The following SPDYE4 variants were observed in gnomAD, a reference collection of about 807,000 sequenced individuals.
The protein encoded by SPDYE4 is speedy protein E4.
In SPDYE4, 30 loss-of-function variants were observed where a neutral mutation model predicts 37.5. That is an observed-to-expected ratio of 0.80 (90% CI 0.60 to 1.09). The LOEUF is 1.09. Ranked by LOEUF, SPDYE4 falls within the 50% of genes least tolerant of loss-of-function variation. The pLI is 0.00. For missense variants in SPDYE4, 300 were observed against 307.9 expected (o/e 0.97, Z 0.19); for synonymous variants, 131 against 120.3 (o/e 1.09, Z -0.58).
downstream of SPDYE4, among the ~76,000 whole-genome samples, chr17:8,748,395 TC>T (rs1480380791): frequency 6.6e-6 from 1 of 152,216 alleles, no homozygotes; most frequent in Non-Finnish European, 1.5e-5. Context: ...GGCACCTTGA[TC>T]TTGGACTTCC....
At position 8,753,138 on chromosome 17, in the gene SPDYE4, C is replaced by CT; in HGVS notation, c.713dup (p.Ter238=). ...VWARDRTLIS[*] is the part of the protein sequence containing the mutation. ...CTCAGGCCTCCATGTCCCCGGAGCT[C>CT]TAGGAAATGAGGGTGCGATCTCGGG... The change falls in exon 6 of 7, where the codon TAG becomes TAAG. Residue 238 remains the stop codon, a frameshift_variant and stop_retained_variant. Coordinates refer to ENST00000689094, the MANE Select transcript of SPDYE4 (RefSeq NM_001394956.1). LOFTEE classifies it high-confidence loss of function. 6.2e-7 allele frequency: 1 copy of CT among 1,614,074 alleles called. No individual in the cohort carries two copies. The highest frequency in any genetic ancestry group is 8.5e-7 in the Non-Finnish European group (1 of 1,180,020).
rs9916109 is a variant in SPDYE4 at position 8,751,124 on chromosome 17, T to C, written c.*1158A>G. Among the ~76,000 whole-genome samples, 11,175 of 152,258 alleles carry C rather than the reference T, an allele frequency of 0.073. 1,193 individuals carry two copies. Among genetic ancestry groups the C allele is most frequent in the African/African-American group, 0.24 (9,884 of 41,518 alleles). ...GAATAGATATATTATGTAACTACTC[T>C]AGGTCATAACAGTGCTCCCTTCAGC... is the stretch of plus-strand genomic sequence containing the variant. On this transcript the variant is annotated 3_prime_UTR_variant, in exon 7 of 7. Coordinates refer to ENST00000689094, the MANE Select transcript of SPDYE4 (RefSeq NM_001394956.1).
chr17:8,757,158 C>T, intron 2 of SPDYE4, 104 bp downstream of exon 2: 1 of 1,089,340 alleles, frequency 9.2e-7, no homozygotes, highest in South Asian at 1.5e-5. Flanking sequence ...GAGCGCTCAT[C>T]CCCCAGGAGG....
Position 8,755,624 on chromosome 17 carries a change from T to TAG in SPDYE4, c.400-21_400-20dup. 2 of 1,607,410 alleles carry TAG rather than the reference T, an allele frequency of 1.2e-6. No homozygotes were observed. Among genetic ancestry groups the TAG allele is most frequent in the Non-Finnish European group, 1.7e-6 (2 of 1,176,390 alleles). On this transcript the variant is annotated intron_variant, in intron 3 of 6. Coordinates refer to ENST00000689094, the MANE Select transcript of SPDYE4 (RefSeq NM_001394956.1). ...GGAGATACTGATGGAGAGAAGGGAG[T>TAG]AGAGAGAGAGAAAGGTTGGTCACAT... is the stretch of plus-strand genomic sequence containing the variant.
chr17:8,754,741 G>A (rs889129966), intron 4 of SPDYE4, among the ~76,000 whole-genome samples: 1 of 152,212 alleles, frequency 6.6e-6, no homozygotes, highest in African/African-American at 2.4e-5. Context: ...TGGAAGATCA[G>A]GGGAGGCATT....
chr17:8,747,932 G>A (rs193234505), downstream of SPDYE4, among the ~76,000 whole-genome samples: 580 of 152,308 alleles, frequency 3.8e-3, 5 homozygotes, highest in African/African-American at 0.013. Context: ...GAGTCATGGC[G>A]GGAGGTGACA....
At chr17:8,750,467 T>A (rs1406855649), downstream of SPDYE4, among the ~76,000 whole-genome samples, 5 of 152,106 alleles carry the variant, frequency 3.3e-5, no homozygotes, top group African/African-American at 7.2e-5. Flanking sequence ...TCCCAGCACT[T>A]TGGGAGGCCG....
In SPDYE4 at chr17:8,755,602, G is replaced by A. The variant is rs759848152; in HGVS notation, c.403C>T (p.Leu135Phe). The A allele has an allele frequency of 1.2e-6, 2 of 1,612,632 alleles. No individual in the cohort carries two copies. The highest frequency in any genetic ancestry group is 1.7e-6 in the Non-Finnish European group (2 of 1,179,084). Residue 135 changes from leucine (L) to phenylalanine (F), a missense_variant, in exon 4 of 7, where the codon CTC becomes TTC. Leu to Phe is a conservative substitution (Grantham distance 22). Transcript: ENST00000689094. ...AAATACGCTATGACCATAGCCAGGA[G>A]ATACTGATGGAGAGAAGGGAGTAGA... ...DKDLRVSDKY[L>F]LAMVIAYFSR...
intron 3 of SPDYE4, 144 bp from the exon 4 acceptor site, chr17:8,755,749 G>C: frequency 9.1e-7 from 1 of 1,094,688 alleles, no homozygotes; most frequent in Non-Finnish European, 1.3e-6. Context: ...CTCATTGGGG[G>C]CTTGCGGGTG....
chr17:8,758,266 C>T lies in SPDYE4; in HGVS notation c.109+8G>A. 1 of 1,532,364 alleles carries T rather than the reference C, an allele frequency of 6.5e-7. No individual in the cohort carries two copies. The highest frequency in any genetic ancestry group is 1.4e-5 in the African/African-American group (1 of 72,622). The allele number at this position is 1,532,364 out of a possible 1,614,324, so 94.9% of individuals were successfully genotyped here. A position where few individuals can be genotyped will look rare whatever the true frequency, so the allele number is the denominator to read the frequency against. ...ATCTCCCATCGCTTCTCCCTCCAGT[C>T]ACCTCACCTGATGGTCCTGGCACTT... On this transcript the variant is annotated splice_region_variant and intron_variant, in intron 1 of 6. Transcript: ENST00000689094.
downstream of SPDYE4, among the ~76,000 whole-genome samples, chr17:8,749,439 A>AT (rs1425572387): frequency 1.1e-4 from 17 of 150,678 alleles, no homozygotes; most frequent in South Asian, 1.1e-3. Context: ...AATTTTTTGT[A>AT]TTTTTTTTTG....
chr17:8,751,626 T>C lies in SPDYE4; in HGVS notation c.*656A>G, dbSNP rs1185019916. Among the ~76,000 whole-genome samples the C allele has an allele frequency of 6.6e-6, 1 of 152,188 alleles. No homozygotes were observed. Among genetic ancestry groups the C allele is most frequent in the Non-Finnish European group, 1.5e-5 (1 of 68,024 alleles). Reference sequence around the variant, plus strand: ...CGATTTAAAGAGAAAACATTTACGATAAAAAGAATCCTCTCTTAAAAATGA... The same window carrying C: ...CGATTTAAAGAGAAAACATTTACGACAAAAAGAATCCTCTCTTAAAAATGA... On this transcript the variant is annotated 3_prime_UTR_variant, in exon 7 of 7. Transcript: ENST00000689094.
Position 8,758,424 on chromosome 17 carries a change from C to CAGAAAT in SPDYE4, c.-43_-42insATTTCT. 6.6e-7 allele frequency: 1 copy of CAGAAAT among 1,520,202 alleles called. No homozygotes were observed. Among genetic ancestry groups the CAGAAAT allele is most frequent in the Non-Finnish European group, 8.9e-7 (1 of 1,118,034 alleles). The allele number at this position is 1,520,202 out of a possible 1,614,324, so 94.2% of individuals were successfully genotyped here. ...TTTGTTTCTGTCCACAAAACCTAGTCCCTGTTCTGTCCAAAGCCTTCTTCC... is the reference window on the plus strand; with the variant it reads ...TTTGTTTCTGTCCACAAAACCTAGTCAGAAATCCTGTTCTGTCCAAAGCCTTCTTCC... On this transcript the variant is annotated 5_prime_UTR_variant, in exon 1 of 7. Transcript: ENST00000689094.
At chr17:8,748,206 A>G (rs1036751904), downstream of SPDYE4, among the ~76,000 whole-genome samples, 3 of 152,248 alleles carry the variant, frequency 2.0e-5, no homozygotes, top group Admixed American at 6.5e-5. Flanking sequence ...GTACTTGGAT[A>G]TAGAGCCTTT....
chr17:8,751,332 T>C lies in SPDYE4; in HGVS notation c.*950A>G, dbSNP rs1033747249. On this transcript the variant is annotated 3_prime_UTR_variant, in exon 7 of 7. Transcript: ENST00000689094. ...TGTATTTCTAAACTAGTTAAATAAA[T>C]GTAGTAATAATGCCATGCCCATCAT... 2.6e-5 allele frequency among the ~76,000 whole-genome samples: 4 copies of C among 152,178 alleles called. No individual in the cohort carries two copies. Among genetic ancestry groups the C allele is most frequent in the African/African-American group, 9.7e-5 (4 of 41,434 alleles).
chr17:8,755,172 C>G (rs1392773440), intron 4 of SPDYE4, among the ~76,000 whole-genome samples: 1 of 152,088 alleles, frequency 6.6e-6, no homozygotes, highest in African/African-American at 2.4e-5. Flanking sequence ...GTCATGGGAA[C>G]CTGGAGAAGG....
intron 4 of SPDYE4, among the ~76,000 whole-genome samples, chr17:8,754,230 A>T (rs2086753561): frequency 6.6e-6 from 1 of 152,258 alleles, no homozygotes; most frequent in African/African-American, 2.4e-5. Flanking sequence ...ATTATTCCAT[A>T]GAGTCAATAT....
chr17:8,751,350 C>A lies in SPDYE4; in HGVS notation c.*932G>T, dbSNP rs1408834450. 6.6e-6 allele frequency among the ~76,000 whole-genome samples: 1 copy of A among 152,058 alleles called. No homozygotes were observed. The highest frequency in any genetic ancestry group is 2.4e-5 in the African/African-American group (1 of 41,388). ...AAATAAATGTAGTAATAATGCCATG[C>A]CCATCATTTTCAAAATAAACAAATA... On this transcript the variant is annotated 3_prime_UTR_variant, in exon 7 of 7. Coordinates refer to ENST00000689094, the MANE Select transcript of SPDYE4 (RefSeq NM_001394956.1).
At chr17:8,750,477 G>A (rs537403221), downstream of SPDYE4, among the ~76,000 whole-genome samples, 3 of 152,346 alleles carry the variant, frequency 2.0e-5, no homozygotes, top group South Asian at 2.1e-4. Flanking sequence ...TTGGGAGGCC[G>A]AGGCGGATGG....
Sources: gnomAD v4.1 joint callset for allele counts (sites outside exome capture counted in the v4.1 genomes callset) on GRCh38, gnomAD v4.1.1 for gene constraint, MANE v1.5 for transcripts, NCBI Gene and HGNC (gene_info 2026-07-23, HGNC 2026-07-21) for gene names.